Variants in GPC6 observed in about 807,000 individuals in gnomAD.
GPC6 encodes the protein glypican-6.
Under a neutral mutation model 55.2 loss-of-function variants are expected in GPC6, and 14 were observed. The observed-to-expected ratio is 0.25, with a 90% CI of 0.17 to 0.40. The LOEUF (loss-of-function observed/expected upper bound fraction) is 0.40. Ranked by LOEUF, GPC6 falls within the 10% of genes least tolerant of loss-of-function variation. The pLI, the probability that GPC6 is intolerant of heterozygous loss-of-function variation, is 1.00. For missense variants in GPC6, 641 were observed against 708.5 expected, an observed-to-expected ratio of 0.90 and a Z score of 1.08; for synonymous variants, 278 against 259.6, an observed-to-expected ratio of 1.07 and a Z score of -0.68.
intron 5 of GPC6, among the ~76,000 whole-genome samples, chr13:94,302,049 G>A (rs1875678578): frequency 6.6e-6 from 1 of 152,118 alleles, no homozygotes; most frequent in Admixed American, 6.6e-5. Flanking sequence ...AATTGAGACG[G>A]TCCAAATTTT....
At chr13:93,237,578 T>C (rs9523972) in intron 1 of GPC6, among the ~76,000 whole-genome samples, 39,164 of 152,068 alleles carry the variant, frequency 0.26, 5,146 homozygotes, top group African/African-American at 0.32. Flanking sequence ...TAATTAAGTC[T>C]AACTTATGTA....
At chr13:93,812,145 G>T (rs1203919823) in intron 2 of GPC6, among the ~76,000 whole-genome samples, 15 of 142,028 alleles carry the variant, frequency 1.1e-4, no homozygotes, top group African/African-American at 3.8e-4. Flanking sequence ...AAGGCGGTGG[G>T]GGGGGGGGCG....
chr13:94,021,654 A>T lies in GPC6; in HGVS notation c.712-6075A>T, dbSNP rs554865849. ...AAAAAATTAGTGAGTTTCCAAATGAACTCAATGATTTTTGTTATTTTATTT... is the reference window on the plus strand; with the variant it reads ...AAAAAATTAGTGAGTTTCCAAATGATCTCAATGATTTTTGTTATTTTATTT... On this transcript the variant is annotated intron_variant, in intron 3 of 8. Coordinates refer to ENST00000377047, the MANE Select transcript of GPC6 (RefSeq NM_005708.5). 2.6e-5 allele frequency among the ~76,000 whole-genome samples: 4 copies of T among 152,014 alleles called. No individual in the cohort carries two copies. In the East Asian group the frequency reaches 5.8e-4, roughly 22 times the overall value.
chr13:93,490,436 G>T, intron 1 of GPC6, among the ~76,000 whole-genome samples: 1 of 105,254 alleles, frequency 9.5e-6, no homozygotes, highest in Admixed American at 1.0e-4. Context: ...TCCATGTTTT[G>T]AAGTTGGTCC....
chr13:93,998,938 C>T (rs558425667), intron 3 of GPC6, among the ~76,000 whole-genome samples: 62 of 152,168 alleles, frequency 4.1e-4, no homozygotes, highest in Non-Finnish European at 7.4e-4. Flanking sequence ...CTTATTCGTC[C>T]TATCTCACAG....
chr13:93,385,533 C>T (rs986384976), intron 1 of GPC6, among the ~76,000 whole-genome samples: 5 of 152,142 alleles, frequency 3.3e-5, no homozygotes, highest in East Asian at 3.9e-4. Flanking sequence ...GCCAGGGCCC[C>T]GAACAGTGGC....
intron 4 of GPC6, among the ~76,000 whole-genome samples, chr13:94,200,224 G>A (rs1331394414): frequency 6.6e-6 from 1 of 151,630 alleles, no homozygotes; most frequent in East Asian, 1.9e-4. Context: ...ATTGCTCTCT[G>A]GAAACTTCAA....
chr13:94,030,420 G>C (rs904815111), intron 4 of GPC6, among the ~76,000 whole-genome samples: 2 of 152,072 alleles, frequency 1.3e-5, no homozygotes, highest in African/African-American at 4.8e-5. Flanking sequence ...CAGACTTATG[G>C]AGAAAAATGT....
At chr13:93,448,307 C>A (rs1238650410) in intron 1 of GPC6, among the ~76,000 whole-genome samples, 1 of 152,154 alleles carries the variant, frequency 6.6e-6, no homozygotes, top group African/African-American at 2.4e-5. Context: ...ACATACTGCA[C>A]AGGTTTGTAG....
intron 1 of GPC6, among the ~76,000 whole-genome samples, chr13:93,279,223 C>A (rs1877864657): frequency 6.6e-6 from 1 of 152,156 alleles, no homozygotes; most frequent in Admixed American, 6.5e-5. Context: ...CAGAACTGCT[C>A]ATTCAGGTGG....
intron 1 of GPC6, among the ~76,000 whole-genome samples, chr13:93,272,264 G>A (rs535731544): frequency 4.6e-5 from 7 of 151,980 alleles, no homozygotes; most frequent in African/African-American, 1.7e-4. Flanking sequence ...GAATATGTAA[G>A]TTGTCTTTAG....
intron 6 of GPC6, among the ~76,000 whole-genome samples, chr13:94,311,748 G>A (rs1876257697): frequency 6.6e-6 from 1 of 152,178 alleles, no homozygotes; most frequent in African/African-American, 2.4e-5. Context: ...GGGCAATTTG[G>A]GTGAAGAAAG....
At chr13:94,110,680 T>C (rs371323405) in intron 4 of GPC6, among the ~76,000 whole-genome samples, 276 of 152,212 alleles carry the variant, frequency 1.8e-3, no homozygotes, top group African/African-American at 6.3e-3. Context: ...GTTTGGGTAA[T>C]GTTTAAATAA....
intron 3 of GPC6, among the ~76,000 whole-genome samples, chr13:93,890,951 A>C (rs1448635592): frequency 6.6e-6 from 1 of 152,008 alleles, no homozygotes; most frequent in African/African-American, 2.4e-5. Flanking sequence ...CTGTTAATCA[A>C]ATTTATCTCA....
intron 2 of GPC6, among the ~76,000 whole-genome samples, chr13:93,771,380 C>A (rs1391006982): frequency 1.3e-5 from 2 of 152,148 alleles, no homozygotes; most frequent in Non-Finnish European, 2.9e-5. Flanking sequence ...CACTCCGTGG[C>A]TAATTGAAGA....
At chr13:93,658,076 G>A (rs1374587215) in intron 2 of GPC6, among the ~76,000 whole-genome samples, 3 of 151,788 alleles carry the variant, frequency 2.0e-5, no homozygotes, top group Non-Finnish European at 4.4e-5. Flanking sequence ...AATAAATGTT[G>A]GCAAGAAAAA....
At chr13:94,127,200 A>G (rs1002046608) in intron 4 of GPC6, among the ~76,000 whole-genome samples, 1 of 152,048 alleles carries the variant, frequency 6.6e-6, no homozygotes, top group African/African-American at 2.4e-5. Context: ...GTTTGCATCC[A>G]TGTACATGGT....
chr13:94,351,502 A>G (rs1878541108), intron 6 of GPC6, among the ~76,000 whole-genome samples: 1 of 152,064 alleles, frequency 6.6e-6, no homozygotes, highest in Non-Finnish European at 1.5e-5. Context: ...CAGAGATGAG[A>G]TGACACATCG....
At chr13:93,246,270 C>T (rs1418261583) in intron 1 of GPC6, among the ~76,000 whole-genome samples, 1 of 152,154 alleles carries the variant, frequency 6.6e-6, no homozygotes, top group African/African-American at 2.4e-5. Context: ...CCTGCACTCT[C>T]TAGGCTTTAC....
Sources: allele counts gnomAD v4.1 joint callset (sites outside exome capture counted in the v4.1 genomes callset), GRCh38; gene constraint gnomAD v4.1.1; transcripts MANE v1.5; gene names NCBI Gene and HGNC (gene_info 2026-07-23, HGNC 2026-07-21).